Variants in RNLS observed in about 807,000 individuals in gnomAD.
RNLS encodes renalase, FAD dependent amine oxidase.
A neutral mutation model predicts 39.8 loss-of-function variants in RNLS; 39 were observed. That is an observed-to-expected ratio of 0.98 (90% confidence interval 0.76 to 1.28). RNLS has a LOEUF of 1.28. RNLS is among the 50% of genes most tolerant of loss of function. RNLS has a pLI of 0.00. For synonymous variants in RNLS, 147 were observed against 150.7 expected, an observed-to-expected ratio of 0.98 and a Z score of 0.18; for missense variants, 410 against 413.3, an observed-to-expected ratio of 0.99 and a Z score of 0.07.
chr10:88,223,005 C>A, the RNLS span, among the ~76,000 whole-genome samples: 2 of 152,362 alleles, frequency 1.3e-5, no homozygotes, highest in South Asian at 4.1e-4. Context: ...TGTCCTCAAA[C>A]AAACCTGTGA....
the RNLS span, among the ~76,000 whole-genome samples, chr10:88,171,713 G>A: frequency 6.6e-6 from 1 of 151,870 alleles, no homozygotes; most frequent in African/African-American, 2.4e-5. Context: ...CTCTCTTCTG[G>A]CTATCTGAAA....
chr10:88,582,948 C>G (rs1167852704), intron 1 of RNLS, 125 bp downstream of exon 1: 1 of 1,156,428 alleles, frequency 8.6e-7, no homozygotes, highest in Admixed American at 2.9e-5. Flanking sequence ...CCGCGCTACA[C>G]GGCCGCTCAG....
At chr10:88,503,991 C>A (rs949319163) in intron 4 of RNLS, among the ~76,000 whole-genome samples, 3 of 152,132 alleles carry the variant, frequency 2.0e-5, no homozygotes, top group African/African-American at 7.2e-5. Flanking sequence ...GGGAAGCCAA[C>A]TGCCATGTCT....
chr10:88,385,667 G>A (rs954619131), intron 4 of RNLS, among the ~76,000 whole-genome samples: 2 of 152,188 alleles, frequency 1.3e-5, no homozygotes, highest in Non-Finnish European at 2.9e-5. Flanking sequence ...TACTCTATGG[G>A]ATCCTGGTGC....
At chr10:88,353,939 G>A (rs1292353213) in intron 5 of RNLS, among the ~76,000 whole-genome samples, 2 of 152,172 alleles carry the variant, frequency 1.3e-5, no homozygotes, top group Non-Finnish European at 2.9e-5. Context: ...TCTTCTTGTT[G>A]AATTGATCCC....
intron 4 of RNLS, among the ~76,000 whole-genome samples, chr10:88,426,050 A>G (rs780559480): frequency 6.6e-6 from 1 of 152,122 alleles, no homozygotes; most frequent in Non-Finnish European, 1.5e-5. Flanking sequence ...ACAGAGGGCT[A>G]GAATAGTATA....
chr10:88,444,128 A>C (rs1237604615), intron 4 of RNLS, among the ~76,000 whole-genome samples: 1 of 152,240 alleles, frequency 6.6e-6, no homozygotes, highest in Non-Finnish European at 1.5e-5. Context: ...TGAAACTTCC[A>C]GAAGAACGAT....
chr10:88,223,619 A>G, the RNLS span, among the ~76,000 whole-genome samples: 1 of 152,210 alleles, frequency 6.6e-6, no homozygotes, highest in African/African-American at 2.4e-5. Flanking sequence ...TGCCCTTTAA[A>G]TAAAATACAG....
intron 4 of RNLS, among the ~76,000 whole-genome samples, chr10:88,446,121 A>G (rs562104365): frequency 2.0e-5 from 3 of 152,346 alleles, no homozygotes; most frequent in African/African-American, 7.2e-5. Flanking sequence ...TGTCTCTCAG[A>G]CCACAGTGCA....
At chr10:88,292,217 T>C (rs1336642563) in intron 6 of RNLS, among the ~76,000 whole-genome samples, 2 of 150,808 alleles carry the variant, frequency 1.3e-5, no homozygotes, top group South Asian at 2.1e-4. Flanking sequence ...ATAGAACATT[T>C]TGAGCTAAAT....
intron 5 of RNLS, among the ~76,000 whole-genome samples, chr10:88,355,515 T>C (rs1289490398): frequency 2.0e-5 from 3 of 152,210 alleles, no homozygotes; most frequent in Non-Finnish European, 4.4e-5. Flanking sequence ...CAGTGGAGGC[T>C]GCAGAACAGG....
At chr10:88,260,648 G>A in the RNLS span, among the ~76,000 whole-genome samples, 1 of 152,196 alleles carries the variant, frequency 6.6e-6, no homozygotes, top group African/African-American at 2.4e-5. Context: ...GGCTGAATTA[G>A]CCAAACAATA....
At chr10:88,326,757 G>A (rs1846644333) in intron 5 of RNLS, among the ~76,000 whole-genome samples, 1 of 152,170 alleles carries the variant, frequency 6.6e-6, no homozygotes, top group Non-Finnish European at 1.5e-5. Flanking sequence ...ATGGCAGCTT[G>A]CACCATGCAG....
the RNLS span, among the ~76,000 whole-genome samples, chr10:88,205,058 G>A: frequency 1.1e-4 from 17 of 152,182 alleles, no homozygotes; most frequent in African/African-American, 3.4e-4. Context: ...GAATTCTCAC[G>A]GCAACTCTCT....
the RNLS span, among the ~76,000 whole-genome samples, chr10:88,258,739 A>C: frequency 1.1e-4 from 16 of 152,236 alleles, no homozygotes; most frequent in Non-Finnish European, 2.4e-4. Context: ...AAAAGCTGCC[A>C]TCAGGTCATA....
At chr10:88,499,492 A>C (rs1449141255) in intron 4 of RNLS, among the ~76,000 whole-genome samples, 1 of 151,968 alleles carries the variant, frequency 6.6e-6, no homozygotes, top group East Asian at 1.9e-4. Context: ...TCTTACGAAA[A>C]ATTTTGTTAT....
intron 4 of RNLS, among the ~76,000 whole-genome samples, chr10:88,556,672 G>A: frequency 6.6e-6 from 1 of 152,022 alleles, no homozygotes; most frequent in Admixed American, 6.6e-5. Flanking sequence ...ACTTCTCACT[G>A]CTTGGGGCCT....
rs148322166 is a variant in RNLS, at chr10:88,544,259, A to T, written c.526+28644T>A. Among the ~76,000 whole-genome samples the T allele has an allele frequency of 4.3e-3, 648 of 152,304 alleles. 4 individuals carry two copies. The highest frequency in any genetic ancestry group is 0.015 in the African/African-American group (628 of 41,570). ...ATTCAGAGAGAGAGAATTTCTCTACATACTTCTAAGATTGCCTCATTTAAA... is the reference window on the plus strand; with the variant it reads ...ATTCAGAGAGAGAGAATTTCTCTACTTACTTCTAAGATTGCCTCATTTAAA... On this transcript the variant is annotated intron_variant, in intron 4 of 6. Transcript: ENST00000331772.
At chr10:88,478,143 C>G (rs1843932112) in intron 4 of RNLS, among the ~76,000 whole-genome samples, 1 of 152,194 alleles carries the variant, frequency 6.6e-6, no homozygotes, top group African/African-American at 2.4e-5. Context: ...CAAAATGGCT[C>G]TCATGTTATC....
Sources: gnomAD v4.1 joint callset for allele counts (sites outside exome capture counted in the v4.1 genomes callset) on GRCh38, gnomAD v4.1.1 for gene constraint, MANE v1.5 for transcripts, NCBI Gene and HGNC (gene_info 2026-07-23, HGNC 2026-07-21) for gene names.